The following UBE4B variants were observed in gnomAD, a reference collection of about 807,000 sequenced individuals.
UBE4B encodes ubiquitination factor E4B, also known as ubiquitin conjugation factor E4 B.
UBE4B carries 27 observed loss-of-function variants against 148.1 expected under a neutral mutation model. The observed-to-expected ratio is 0.18, with a 90% confidence interval of 0.13 to 0.25. UBE4B has a LOEUF of 0.25. Among genes scored for constraint, UBE4B ranks in the 10% least tolerant of loss-of-function variants. UBE4B has a pLI of 1.00. For synonymous variants in UBE4B, 596 were observed against 619.3 expected (o/e 0.96, Z 0.56); for missense variants, 1,170 against 1,662.4 (o/e 0.70, Z 5.15).
chr1:10,094,650 G>A (rs973133947), intron 2 of UBE4B, among the ~76,000 whole-genome samples: 6 of 151,674 alleles, frequency 4.0e-5, no homozygotes, highest in South Asian at 4.2e-4. Flanking sequence ...TAGCCAGGAT[G>A]GTCTCAATCT....
chr1:10,179,487 A>G lies in UBE4B; in HGVS notation c.3772A>G (p.Ile1258Val). The part of the protein sequence containing the change: ...PSGTIMDRSI[I>V]LRHLLNSPTD... ...TGGCACCATCATGGACCGCTCCATC[A>G]TCCTGCGGCACCTGCTCAACTCCCC... is the stretch of plus-strand genomic sequence containing the variant. The change falls in exon 27 of 28, where the codon ATC becomes GTC. Residue 1258 changes from isoleucine (I) to valine (V), a missense_variant. By Grantham distance (29) the Ile-to-Val change is conservative. Around this residue, in one of 6 missense-constraint regions of UBE4B, gnomAD observed 348 missense variants for 627.2 expected, o/e 0.55. Transcript: ENST00000343090. The G allele has an allele frequency of 6.2e-7, 1 of 1,614,026 alleles. No homozygotes were observed. Among genetic ancestry groups the G allele is most frequent in the Non-Finnish European group, 8.5e-7 (1 of 1,180,012 alleles).
At chr1:10,108,238 G>A (rs1363800975) in intron 7 of UBE4B, among the ~76,000 whole-genome samples, 6 of 142,080 alleles carry the variant, frequency 4.2e-5, no homozygotes, top group Admixed American at 7.8e-5. Flanking sequence ...AGCTCAGTCT[G>A]GGCAATCCAT....
rs531190869 is a variant in UBE4B at position 10,151,516 on chromosome 1, C to G, written c.2881C>G (p.Leu961Val). 3 of 1,614,210 alleles carry G rather than the reference C, an allele frequency of 1.9e-6. No homozygotes were observed. Among genetic ancestry groups the G allele is most frequent in the South Asian group, 2.2e-5 (2 of 91,090 alleles). The change falls in exon 21 of 28, where the codon CTC becomes GTC. Residue 961 changes from leucine (L) to valine (V), a missense_variant. This residue lies in a region of UBE4B where 348 missense variants were observed against 627.2 expected (regional missense o/e 0.55). Coordinates refer to ENST00000343090, the MANE Select transcript of UBE4B (RefSeq NM_001105562.3). ...KFFEMIENHP[L>V]STKLLVPSLM... ...TTTTGAAATGATTGAGAACCATCCT[C>G]TCTCCACCAAGTTGTTGGTACCTTC...
intron 17 of UBE4B, among the ~76,000 whole-genome samples, chr1:10,143,490 C>G (rs1484488432): frequency 2.6e-5 from 4 of 152,068 alleles, no homozygotes; most frequent in African/African-American, 9.7e-5. Context: ...TCTCTGAGTC[C>G]TTTTTTCTCT....
chr1:10,053,148 T>C (rs1421559266), intron 1 of UBE4B, among the ~76,000 whole-genome samples: 1 of 151,856 alleles, frequency 6.6e-6, no homozygotes, highest in African/African-American at 2.4e-5. Context: ...TTTTATTTAT[T>C]TATTTATTTA....
In UBE4B at chr1:10,168,247, G is replaced by A. The variant is rs1302772316; in HGVS notation, c.3310G>A (p.Val1104Ile). The change falls in exon 24 of 28, where the codon GTC (valine) becomes ATC (isoleucine). Residue 1104 changes from valine to isoleucine, a missense_variant. By Grantham distance (29) the Val-to-Ile change is conservative (BLOSUM62 3). This residue lies in a region of UBE4B where 348 missense variants were observed against 627.2 expected (regional missense o/e 0.55). Coordinates refer to ENST00000343090, the MANE Select transcript of UBE4B (RefSeq NM_001105562.3). The surrounding 1 kb of genome is among the most constrained non-coding windows in gnomAD (Gnocchi z 4.9). Reference sequence around the variant, plus strand: ...CATGTTCCACATCCTCACGAAGCAGGTCCAGAAGCCCTTCCTCAGACCGGT... The same window carrying A: ...CATGTTCCACATCCTCACGAAGCAGATCCAGAAGCCCTTCCTCAGACCGGT... ...VDMFHILTKQ[V>I]QKPFLRPELG... The A allele has an allele frequency of 1.8e-5, 29 of 1,614,122 alleles. No homozygotes were observed. Among genetic ancestry groups the A allele is most frequent in the Non-Finnish European group, 2.5e-5 (29 of 1,180,016 alleles).
intron 1 of UBE4B, chr1:10,054,472 G>A: frequency 2.3e-6 from 1 of 427,954 alleles, no homozygotes; most frequent in Admixed American, 2.5e-5. Context: ...ATAGGTTCCA[G>A]CAGCTCAGGC....
At chr1:10,040,912 A>T (rs1643739052) in intron 1 of UBE4B, among the ~76,000 whole-genome samples, 1 of 151,930 alleles carries the variant, frequency 6.6e-6, no homozygotes, top group Non-Finnish European at 1.5e-5. Context: ...GAGCCACCGC[A>T]CCCAGCCTAA....
chr1:10,161,341 A>T lies in UBE4B; in HGVS notation c.3198+55A>T. On this transcript the variant is annotated intron_variant, in intron 23 of 27. Coordinates refer to ENST00000343090, the MANE Select transcript of UBE4B (RefSeq NM_001105562.3). This position sits in a 1 kb window ranked among gnomAD's most constrained non-coding sequence, Gnocchi z 4.1. ...CTTTGCAGGCCATCTGCCTCCACAC[A>T]CGGGCAGAGCTGCTTTGGGGCTGCA... The T allele has an allele frequency of 6.3e-7, 1 of 1,589,986 alleles. No individual in the cohort carries two copies. The highest frequency in any genetic ancestry group is 8.6e-7 in the Non-Finnish European group (1 of 1,164,144).
chr1:10,161,184 C>T lies in UBE4B; in HGVS notation c.3096C>T (p.Asn1032=), dbSNP rs965937211. ...QFVRYINMLI[N]DTTFLLDESL... ...TTCGCTATATAAACATGTTGATAAA[C>T]GACACGACGTTTTTGCTCGATGAAA... is the stretch of plus-strand genomic sequence containing the variant. The change falls in exon 23 of 28, where the codon AAC becomes AAT. Residue 1032 remains asparagine, a synonymous_variant. Coordinates refer to ENST00000343090, the MANE Select transcript of UBE4B (RefSeq NM_001105562.3). The surrounding 1 kb of genome is among the most constrained non-coding windows in gnomAD (Gnocchi z 4.1). 1.9e-5 allele frequency: 30 copies of T among 1,613,950 alleles called. No homozygotes were observed. The highest frequency in any genetic ancestry group is 2.3e-5 in the Non-Finnish European group (27 of 1,180,004).
intron 14 of UBE4B, among the ~76,000 whole-genome samples, chr1:10,131,947 C>T (rs939991086): frequency 1.6e-4 from 24 of 148,714 alleles, no homozygotes; most frequent in Non-Finnish European, 7.4e-5. Flanking sequence ...AGCAAAACTC[C>T]GTCTCAAAAA....
At chr1:10,065,010 C>T (rs905616084) in intron 1 of UBE4B, among the ~76,000 whole-genome samples, 3 of 152,050 alleles carry the variant, frequency 2.0e-5, no homozygotes, top group Admixed American at 6.6e-5. Flanking sequence ...GTGATCCACC[C>T]GCCTGGCCTC....
At chr1:10,178,159 C>T (rs1260797499) in intron 25 of UBE4B, among the ~76,000 whole-genome samples, 1 of 151,996 alleles carries the variant, frequency 6.6e-6, no homozygotes, top group African/African-American at 2.4e-5. Context: ...GGAGAAGGCT[C>T]CTCTAGAGTA....
At chr1:10,108,666 A>C (rs1645163303) in intron 7 of UBE4B, among the ~76,000 whole-genome samples, 2 of 152,226 alleles carry the variant, frequency 1.3e-5, no homozygotes, top group South Asian at 4.1e-4. Context: ...GTTCAGAAGA[A>C]TCATTAGAGA....
chr1:10,109,237 A>G (rs1645175066), intron 7 of UBE4B, among the ~76,000 whole-genome samples: 1 of 152,116 alleles, frequency 6.6e-6, no homozygotes, highest in Admixed American at 6.6e-5. Context: ...AAGAGGGTCA[A>G]AATCATAGAA....
chr1:10,110,651 A>C (rs1385237532), intron 7 of UBE4B, among the ~76,000 whole-genome samples: 1 of 152,222 alleles, frequency 6.6e-6, no homozygotes, highest in Non-Finnish European at 1.5e-5. Flanking sequence ...ACTAGAAAGA[A>C]ATTTGGTGGT....
At chr1:10,074,046 C>T (rs1385667303) in intron 2 of UBE4B, among the ~76,000 whole-genome samples, 2 of 151,244 alleles carry the variant, frequency 1.3e-5, no homozygotes, top group Middle Eastern at 3.2e-3. Context: ...TCAGATGATC[C>T]GTCTGCTTCA....
chr1:10,174,702 C>CAA (rs1024868484), intron 25 of UBE4B, among the ~76,000 whole-genome samples: 22 of 80,100 alleles, frequency 2.7e-4, no homozygotes, highest in African/African-American at 5.0e-4. Context: ...AACTCCGTCT[C>CAA]AAAAAAAAAA....
chr1:10,097,223 G>C (rs1019668289), intron 3 of UBE4B, among the ~76,000 whole-genome samples: 2 of 151,824 alleles, frequency 1.3e-5, no homozygotes, highest in African/African-American at 4.8e-5. Flanking sequence ...CAAAGCAGAT[G>C]AAAAATATAA....
Sources: allele counts gnomAD v4.1 joint callset (sites outside exome capture counted in the v4.1 genomes callset), GRCh38; gene constraint gnomAD v4.1.1; regional missense constraint gnomAD v4.1.1; non-coding constraint Gnocchi (gnomAD v3.1); transcripts MANE v1.5; gene names NCBI Gene and HGNC (gene_info 2026-07-23, HGNC 2026-07-21).